GNA12: variants seen among roughly 807,000 people sequenced by gnomAD.
The protein encoded by GNA12 is G protein subunit alpha 12.
In GNA12, 9 loss-of-function variants were observed where a neutral mutation model predicts 26.0. That is an observed-to-expected ratio of 0.35 (90% CI 0.21 to 0.60). GNA12 has a LOEUF of 0.60. Among genes scored for constraint, GNA12 ranks in the 20% least tolerant of loss-of-function variants. The pLI is 0.78. For missense variants in GNA12, 405 were observed against 525.8 expected, an observed-to-expected ratio of 0.77 and a Z score of 2.25; for synonymous variants, 264 against 219.6, an observed-to-expected ratio of 1.20 and a Z score of -1.79.
intron 2 of GNA12, among the ~76,000 whole-genome samples, chr7:2,746,781 TAAA>T (rs1790785049): frequency 6.6e-6 from 1 of 151,444 alleles, no homozygotes; most frequent in African/African-American, 2.4e-5. Context: ...GCAAGACTAA[TAAA>T]GAAGAAAAGA....
intron 2 of GNA12, among the ~76,000 whole-genome samples, chr7:2,734,308 C>A (rs531778643): frequency 3.3e-5 from 5 of 152,198 alleles, no homozygotes; most frequent in Non-Finnish European, 7.3e-5. Flanking sequence ...TCAAAGGTAG[C>A]GTATTAAAAA....
chr7:2,796,468 T>C (rs1238948901), intron 1 of GNA12, among the ~76,000 whole-genome samples: 2 of 152,108 alleles, frequency 1.3e-5, no homozygotes, highest in African/African-American at 4.8e-5. Context: ...GCGCTACTAT[T>C]GTCATCATCA....
intron 2 of GNA12, among the ~76,000 whole-genome samples, chr7:2,778,732 A>C (rs1439033751): frequency 6.6e-6 from 1 of 152,226 alleles, no homozygotes; most frequent in East Asian, 1.9e-4. Flanking sequence ...GAGTCAGTCT[A>C]AAAGGAGGGT....
intron 3 of GNA12, 139 bp downstream of exon 3, chr7:2,733,312 A>G (rs775761743): frequency 1.4e-6 from 1 of 713,382 alleles, no homozygotes; most frequent in Admixed American, 2.1e-5. Flanking sequence ...GTGCCATTAC[A>G]GTACTATTCG....
intron 2 of GNA12, among the ~76,000 whole-genome samples, chr7:2,768,666 TAAAAA>T (rs924965749): frequency 3.3e-5 from 3 of 91,836 alleles, no homozygotes; most frequent in Non-Finnish European, 7.5e-5. Context: ...GCTCTCAAGG[TAAAAA>T]AAAAACAAAA....
intron 1 of GNA12, among the ~76,000 whole-genome samples, chr7:2,811,952 C>T (rs574581964): frequency 2.6e-5 from 4 of 152,140 alleles, no homozygotes; most frequent in South Asian, 2.1e-4. Flanking sequence ...GTTTTTTTCA[C>T]GCACAGAGCA....
chr7:2,750,955 C>T (rs1791005725), intron 2 of GNA12, among the ~76,000 whole-genome samples: 1 of 152,078 alleles, frequency 6.6e-6, no homozygotes, highest in Non-Finnish European at 1.5e-5. Context: ...GGAGTGGTAC[C>T]CAGACATGCC....
At position 2,770,362 on chromosome 7, in the gene GNA12, T is replaced by C. The variant is rs140917403; in HGVS notation, c.525+24566A>G. Among the ~76,000 whole-genome samples, 427 of 152,352 alleles carry C rather than the reference T, an allele frequency of 2.8e-3. 4 individuals carry two copies. Among genetic ancestry groups the C allele is most frequent in the African/African-American group, 9.6e-3 (400 of 41,582 alleles). On this transcript the variant is annotated intron_variant, in intron 2 of 3. Transcript: ENST00000275364. ...AATTTAGGCTCAAATTGAGGCTCAA[T>C]AGCCTCTAGAACCATATCAAGCTCA...
chr7:2,821,971 CAG>C (rs1337667082), intron 1 of GNA12, among the ~76,000 whole-genome samples: 2 of 152,158 alleles, frequency 1.3e-5, no homozygotes, highest in African/African-American at 4.8e-5. Context: ...CCTAGGGACA[CAG>C]GGGAATCAGA....
intron 2 of GNA12, among the ~76,000 whole-genome samples, chr7:2,757,226 C>T (rs1224920838): frequency 6.8e-6 from 1 of 147,798 alleles, no homozygotes; most frequent in Non-Finnish European, 1.5e-5. Flanking sequence ...AGCTCTGCCT[C>T]CCGGGTTCAC....
intron 1 of GNA12, among the ~76,000 whole-genome samples, chr7:2,843,604 G>A (rs1399176394): frequency 6.6e-6 from 1 of 151,774 alleles, no homozygotes; most frequent in Non-Finnish European, 1.5e-5. Flanking sequence ...CTGTGAGGGC[G>A]CCACTGCACT....
intron 2 of GNA12, among the ~76,000 whole-genome samples, chr7:2,759,700 T>C (rs1791468046): frequency 6.6e-6 from 1 of 152,162 alleles, no homozygotes; most frequent in Non-Finnish European, 1.5e-5. Flanking sequence ...TCTGTAGTCA[T>C]ACAGGATAGG....
At chr7:2,838,654 A>C (rs1009270591) in intron 1 of GNA12, among the ~76,000 whole-genome samples, 1 of 152,192 alleles carries the variant, frequency 6.6e-6, no homozygotes, top group African/African-American at 2.4e-5. Flanking sequence ...ATGATGCAAC[A>C]ATATGCTGTC....
At chr7:2,755,537 G>T (rs1451244899) in intron 2 of GNA12, among the ~76,000 whole-genome samples, 1 of 152,120 alleles carries the variant, frequency 6.6e-6, no homozygotes, top group Admixed American at 6.5e-5. Context: ...TTGTTTCCAT[G>T]TGTCTATTGG....
At chr7:2,744,893 G>A (rs1790692484) in intron 2 of GNA12, among the ~76,000 whole-genome samples, 1 of 152,324 alleles carries the variant, frequency 6.6e-6, no homozygotes, top group Admixed American at 6.5e-5. Flanking sequence ...AGGAGCCGAT[G>A]CGATGAACTG....
intron 2 of GNA12, 46 bp downstream of exon 2, chr7:2,794,882 A>G: frequency 7.3e-7 from 1 of 1,365,866 alleles, no homozygotes; most frequent in Non-Finnish European, 1.0e-6. Flanking sequence ...ATAGTCATGT[A>G]AAAAACACAC....
intron 2 of GNA12, chr7:2,775,577 C>T (rs1372469581): frequency 2.0e-5 from 3 of 152,254 alleles, no homozygotes; most frequent in Admixed American, 1.3e-4. Flanking sequence ...AGAAGCAAAA[C>T]AGAGCTGCCT....
intron 2 of GNA12, chr7:2,763,202 A>C (rs902537612): frequency 6.8e-6 from 1 of 148,136 alleles, no homozygotes; most frequent in African/African-American, 3.1e-5. Context: ...ACACACACAC[A>C]CACACACACA....
chr7:2,764,327 C>T (rs1052742824), intron 2 of GNA12, among the ~76,000 whole-genome samples: 1 of 151,838 alleles, frequency 6.6e-6, no homozygotes, highest in East Asian at 1.9e-4. Flanking sequence ...GAGTGATCCT[C>T]CCATCTCAGC....
Sources: allele counts gnomAD v4.1 joint callset (sites outside exome capture counted in the v4.1 genomes callset), GRCh38; gene constraint gnomAD v4.1.1; transcripts MANE v1.5; gene names NCBI Gene and HGNC (gene_info 2026-07-23, HGNC 2026-07-21).